The following SEC16A variants were observed in gnomAD, a reference collection of about 807,000 sequenced individuals.
SEC16A encodes the protein SEC16 homolog A, endoplasmic reticulum export factor.
In SEC16A, 110 loss-of-function variants were observed where a neutral mutation model predicts 221.9. The ratio of observed to expected loss-of-function variants is 0.50; its 90% confidence interval spans 0.42 to 0.58. The LOEUF is 0.58. Ranked by LOEUF, SEC16A falls within the 20% of genes least tolerant of loss-of-function variation. SEC16A has a pLI of 0.00. For synonymous variants in SEC16A, 1,393 were observed against 1,257.7 expected, an observed-to-expected ratio of 1.11 and a Z score of -2.28; for missense variants, 3,165 against 3,097.8, an observed-to-expected ratio of 1.02 and a Z score of -0.52.
chr9:136,440,582 G>C lies in SEC16A; in HGVS notation c.*1173C>G, dbSNP rs760136478. ...GTCTCTTTAGACTTGACAAGAATAC[G>C]AAGAGTTTCAGAACAGTCAGAGAAG... On this transcript the variant is annotated 3_prime_UTR_variant, in exon 32 of 32. Coordinates refer to ENST00000684901, the MANE Select transcript of SEC16A (RefSeq NM_014866.2). 1 of 152,604 alleles carries C rather than the reference G, an allele frequency of 6.6e-6. No homozygotes were observed. The highest frequency in any genetic ancestry group is 1.5e-5 in the Non-Finnish European group (1 of 68,040). 9.5% of individuals were successfully genotyped at this position (152,604 alleles called of 1,614,324 possible). A position where few individuals can be genotyped will look rare whatever the true frequency, so the allele number is the denominator to read the frequency against.
chr9:136,471,484 AAAG>A (rs1275444100), intron 4 of SEC16A, among the ~76,000 whole-genome samples: 1 of 152,182 alleles, frequency 6.6e-6, no homozygotes, highest in African/African-American at 2.4e-5. Flanking sequence ...AAAGAAAAAA[AAAG>A]AAGAGGAAAC....
chr9:136,479,376 G>A (rs1359269191), intron 1 of SEC16A, among the ~76,000 whole-genome samples: 3 of 151,596 alleles, frequency 2.0e-5, no homozygotes, highest in Admixed American at 6.6e-5. Context: ...TTTTTGAGAC[G>A]GAGTCTTGCT....
At chr9:136,465,494 T>A (rs1840021953) in intron 8 of SEC16A, among the ~76,000 whole-genome samples, 1 of 152,142 alleles carries the variant, frequency 6.6e-6, no homozygotes, top group Non-Finnish European at 1.5e-5. Flanking sequence ...CAGCCTACCA[T>A]TAAATTCTGT....
At chr9:136,451,534 A>C in intron 22 of SEC16A, 126 bp from the exon 23 acceptor site, 1 of 1,139,300 alleles carries the variant, frequency 8.8e-7, no homozygotes, top group Non-Finnish European at 1.2e-6. Context: ...GACTCTGGTG[A>C]CCAGAGGGAG....
In SEC16A at chr9:136,459,353, A is replaced by T; in HGVS notation, c.5303+91T>A. The T allele has an allele frequency of 2.1e-6, 3 of 1,404,634 alleles. No homozygotes were observed. The highest frequency in any genetic ancestry group is 2.0e-6 in the Non-Finnish European group (2 of 1,009,244). 87.0% of individuals were successfully genotyped at this position (1,404,634 alleles called of 1,614,324 possible). A position where few individuals can be genotyped will look rare whatever the true frequency, so the allele number is the denominator to read the frequency against. The stretch of plus-strand genomic sequence containing the variant: ...CCACCACGTGACAAATAAAGACATG[A>T]TTCTGGCCATTTCTGAATTCACTAA... On this transcript the variant is annotated intron_variant, in intron 16 of 31. Transcript: ENST00000684901. The surrounding 1 kb of genome is among the most constrained non-coding windows in gnomAD (Gnocchi z 6.1).
chr9:136,461,061 G>T lies in SEC16A; in HGVS notation c.4991+116C>A, dbSNP rs914134122. On this transcript the variant is annotated intron_variant, in intron 13 of 31. Coordinates refer to ENST00000684901, the MANE Select transcript of SEC16A (RefSeq NM_014866.2). ...GGCCAAGGAAGCCCGAGTTCGTGTG[G>T]GAGCACAGCACAGTCAAGTGAGATC... 6 of 771,846 alleles carry T rather than the reference G, an allele frequency of 7.8e-6. No homozygotes were observed. In the Admixed American group the frequency reaches 1.3e-4, roughly 17 times the overall value. 47.8% of individuals were successfully genotyped at this position (771,846 alleles called of 1,614,324 possible).
At chr9:136,446,451 G>GC (rs1837000988) in intron 28 of SEC16A, among the ~76,000 whole-genome samples, 1 of 130,858 alleles carries the variant, frequency 7.6e-6, no homozygotes, top group Non-Finnish European at 1.7e-5. Context: ...TTTGTTTTTT[G>GC]TTTTTTTTTT....
Position 136,482,972 on chromosome 9 carries a change from G to A in SEC16A, c.-226C>T, listed in dbSNP as rs914108090. The A allele has an allele frequency of 4.1e-6, 4 of 985,086 alleles. No individual in the cohort carries two copies. The highest frequency in any genetic ancestry group is 3.6e-6 in the Non-Finnish European group (3 of 829,830). 61.0% of individuals were successfully genotyped at this position (985,086 alleles called of 1,614,324 possible). On this transcript the variant is annotated 5_prime_UTR_variant, in exon 1 of 32. Coordinates refer to ENST00000684901, the MANE Select transcript of SEC16A (RefSeq NM_014866.2). ...TGAGACCGATCCCTCAGGAGCCGCG[G>A]GCGAAAGCCCACCCGACGCTGGCGA...
Position 136,477,251 on chromosome 9 carries a change from C to G in SEC16A, c.365G>C (p.Ser122Thr). 6.2e-7 allele frequency: 1 copy of G among 1,613,934 alleles called. No homozygotes were observed. ...GPLTQPRAHA[S>T]PFSGALTPSA... is the part of the protein sequence containing the mutation. The stretch of plus-strand genomic sequence containing the variant: ...AGGTGTCAATGCACCAGAAAACGGA[C>G]TGGCATGTGCTCTGGGCTGTGTCAG... The change falls in exon 3 of 32, where the codon AGT (serine) becomes ACT (threonine). Residue 122 changes from serine (S) to threonine (T), a missense_variant. Physicochemically the swap from Ser to Thr is moderately conservative, Grantham distance 58 (BLOSUM62 1). Around this residue, in one of 3 missense-constraint regions of SEC16A, gnomAD observed 2,030 missense variants for 1,923.1 expected, o/e 1.06. Transcript: ENST00000684901.
intron 21 of SEC16A, 102 bp from the exon 22 acceptor site, chr9:136,453,612 C>T (rs537170640): frequency 1.4e-5 from 12 of 858,500 alleles, no homozygotes; most frequent in African/African-American, 8.3e-5. Flanking sequence ...ACCCAGCTAC[C>T]GCCACACCAG....
In SEC16A at chr9:136,454,228, C is replaced by T. The variant is rs1167568764; in HGVS notation, c.5957G>A (p.Cys1986Tyr). ...PPGPLEPGPG[C>Y]VTPGPALGFL... ...GCCAAGTGCAGGCCCTGGGGTCACA[C>T]AGCCAGGACCCGGCTCCAGGGGCCC... Residue 1986 changes from cysteine to tyrosine, a missense_variant, in exon 21 of 32, where the codon TGT (cysteine) becomes TAT (tyrosine). By Grantham distance (194) the Cys-to-Tyr change is radical. Around this residue, in one of 3 missense-constraint regions of SEC16A, gnomAD observed 1,088 missense variants for 1,089.6 expected, o/e 1.00. Transcript: ENST00000684901. 1 of 1,570,510 alleles carries T rather than the reference C, an allele frequency of 6.4e-7. No homozygotes were observed.
intron 13 of SEC16A, 23 bp downstream of exon 13, chr9:136,461,154 A>C (rs754391763): frequency 6.4e-7 from 1 of 1,574,318 alleles, no homozygotes; most frequent in Non-Finnish European, 8.7e-7. Flanking sequence ...TCGCCACTGG[A>C]CCAGGCCACT....
Position 136,441,632 on chromosome 9 carries a change from G to A in SEC16A, c.*123C>T, listed in dbSNP as rs1289393710. ...CGGTGAGGAGGGAGGCACAGTGTGC[G>A]ACCAGCTCTGAGTCACTGCTGTGTC... On this transcript the variant is annotated 3_prime_UTR_variant, in exon 32 of 32. Coordinates refer to ENST00000684901, the MANE Select transcript of SEC16A (RefSeq NM_014866.2). The A allele has an allele frequency of 1.2e-5, 9 of 760,388 alleles. No individual in the cohort carries two copies. The highest frequency in any genetic ancestry group is 6.0e-5 in the South Asian group (4 of 66,146). The allele number at this position is 760,388 out of a possible 1,614,324, so 47.1% of individuals were successfully genotyped here.
chr9:136,474,928 C>T lies in SEC16A; in HGVS notation c.2688G>A (p.Leu896=), dbSNP rs749751366. ...TTTGGGCAACACTGCTAGGCAGAGA[C>T]AAGCTAAGGACAGAGCTGGTTGGAA... ...SGIPTSSVLS[L]SLPSSVAQSN... is the part of the protein sequence containing the mutation. The change falls in exon 3 of 32, where the codon TTG becomes TTA. Residue 896 remains leucine (L), a synonymous_variant. Transcript: ENST00000684901. 6 of 1,613,844 alleles carry T rather than the reference C, an allele frequency of 3.7e-6. No individual in the cohort carries two copies. The highest frequency in any genetic ancestry group is 5.1e-6 in the Non-Finnish European group (6 of 1,179,882).
intron 30 of SEC16A, 91 bp downstream of exon 30, chr9:136,444,961 A>C (rs1836751295): frequency 1.8e-6 from 2 of 1,088,862 alleles, no homozygotes; most frequent in Admixed American, 4.0e-5. Flanking sequence ...GTTAGTGGCA[A>C]AGCGCACGTG....
chr9:136,459,276 T>G lies in SEC16A; in HGVS notation c.5304-37A>C. On this transcript the variant is annotated intron_variant, in intron 16 of 31. Transcript: ENST00000684901. The surrounding 1 kb of genome is among the most constrained non-coding windows in gnomAD (Gnocchi z 6.1). The stretch of plus-strand genomic sequence containing the variant: ...GTGAATTATTTTGATTTGGAAAAAA[T>G]GGCCAATTATTGGCATAGTCAACCT... 1 of 1,590,228 alleles carries G rather than the reference T, an allele frequency of 6.3e-7. No individual in the cohort carries two copies. Among genetic ancestry groups the G allele is most frequent in the Non-Finnish European group, 8.6e-7 (1 of 1,160,878 alleles).
rs1255161099 is a variant in SEC16A, at chr9:136,448,084, C to T, written c.6390G>A (p.Ser2130=). ...CCCGTGCGTATTTGACAGCACTCAC[C>T]GATTTGTTCTTGTCATCTGGCAAAT... ...EAYLPDDKNK[S]IVWDEKKNQW... The change falls in exon 24 of 32, where the codon TCG becomes TCA. Residue 2130 remains serine, a splice_region_variant and synonymous_variant. Transcript: ENST00000684901. 1.9e-6 allele frequency: 3 copies of T among 1,611,348 alleles called. No individual in the cohort carries two copies. The highest frequency in any genetic ancestry group is 1.7e-6 in the Non-Finnish European group (2 of 1,178,288).
chr9:136,463,488 A>G lies in SEC16A; in HGVS notation c.4622T>C (p.Ile1541Thr). The G allele has an allele frequency of 1.2e-6, 2 of 1,613,900 alleles. No individual in the cohort carries two copies. The highest frequency in any genetic ancestry group is 1.1e-5 in the South Asian group (1 of 91,088). The change falls in exon 11 of 32, where the codon ATT becomes ACT. Residue 1541 changes from isoleucine to threonine, a missense_variant. By Grantham distance (89) the Ile-to-Thr change is moderately conservative. Around this residue, in one of 3 missense-constraint regions of SEC16A, gnomAD observed 1,088 missense variants for 1,089.6 expected, o/e 1.00. Coordinates refer to ENST00000684901, the MANE Select transcript of SEC16A (RefSeq NM_014866.2). ...KESASLLWNF[I>T]VLLCRQNGTV... The stretch of plus-strand genomic sequence containing the variant: ...CCCATTTTGTCTGCATAAGAGAACA[A>G]TAAAATTCCAAAGAAGACTTGCAGA...
rs1270963861 is a variant in SEC16A at position 136,477,344 on chromosome 9, C to G, written c.272G>C (p.Gly91Ala). 3 of 1,613,946 alleles carry G rather than the reference C, an allele frequency of 1.9e-6. No individual in the cohort carries two copies. The highest frequency in any genetic ancestry group is 1.6e-4 in the Middle Eastern group (1 of 6,062). ...GGCATGTGTGTGAGGAACAAGCAAA[C>G]CGGGGTGCTGAGAAAACCCTGCGGG... ...PAPAGFSQHP[G>A]LLVPHTHARD... The change falls in exon 3 of 32, where the codon GGT becomes GCT. Residue 91 changes from glycine to alanine, a missense_variant. Around this residue, in one of 3 missense-constraint regions of SEC16A, gnomAD observed 2,030 missense variants for 1,923.1 expected, o/e 1.06. Transcript: ENST00000684901.
Sources: allele counts gnomAD v4.1 joint callset (sites outside exome capture counted in the v4.1 genomes callset), GRCh38; gene constraint gnomAD v4.1.1; regional missense constraint gnomAD v4.1.1; non-coding constraint Gnocchi (gnomAD v3.1); transcripts MANE v1.5; gene names NCBI Gene and HGNC (gene_info 2026-07-23, HGNC 2026-07-21).